Variants in ASTN1 observed in about 807,000 individuals in gnomAD.
The protein encoded by ASTN1 is astrotactin-1.
Under a neutral mutation model 140.7 loss-of-function variants are expected in ASTN1, and 41 were observed. The observed-to-expected ratio is 0.29, with a 90% CI of 0.23 to 0.38. The LOEUF (loss-of-function observed/expected upper bound fraction) is 0.38, where lower values mean the gene tolerates loss of function less well. Ranked by LOEUF, ASTN1 falls within the 10% of genes least tolerant of loss-of-function variation. ASTN1 has a pLI of 1.00. For synonymous variants in ASTN1, 640 were observed against 652.2 expected, an observed-to-expected ratio of 0.98 and a Z score of 0.29; for missense variants, 1,479 against 1,678.8, an observed-to-expected ratio of 0.88 and a Z score of 2.08.
At chr1:177,082,891 C>G (rs1309166818) in intron 1 of ASTN1, among the ~76,000 whole-genome samples, 2 of 151,922 alleles carry the variant, frequency 1.3e-5, no homozygotes, top group African/African-American at 4.8e-5. Flanking sequence ...GTCATTTTAC[C>G]CACTCATTTC....
intron 1 of ASTN1, among the ~76,000 whole-genome samples, chr1:177,130,422 A>G (rs536375891): frequency 1.6e-4 from 25 of 152,180 alleles, no homozygotes; most frequent in Non-Finnish European, 1.9e-4. Flanking sequence ...TGATGACTCT[A>G]TGGTATGAGA....
intron 11 of ASTN1, among the ~76,000 whole-genome samples, chr1:176,955,683 C>T (rs887306226): frequency 2.1e-4 from 32 of 152,226 alleles, no homozygotes; most frequent in African/African-American, 7.7e-4. Flanking sequence ...GTACAAAAAT[C>T]CATCAGCATA....
intron 8 of ASTN1, among the ~76,000 whole-genome samples, chr1:176,988,316 GGA>G (rs1491217385): frequency 7.1e-6 from 1 of 141,188 alleles, no homozygotes; most frequent in African/African-American, 2.7e-5. Flanking sequence ...GGATATATTG[GGA>G]AAAAAAAAAA....
At chr1:177,039,865 G>A (rs1052012977) in intron 2 of ASTN1, among the ~76,000 whole-genome samples, 7 of 152,256 alleles carry the variant, frequency 4.6e-5, no homozygotes, top group Admixed American at 6.5e-5. Flanking sequence ...ACAAACCACA[G>A]ACCAAGGAGA....
intron 8 of ASTN1, among the ~76,000 whole-genome samples, chr1:177,009,668 C>T (rs1675189076): frequency 6.6e-6 from 1 of 152,174 alleles, no homozygotes; most frequent in Non-Finnish European, 1.5e-5. Flanking sequence ...GTGTGTGTGC[C>T]TGTGTGCACC....
At chr1:177,021,041 T>C (rs1033154231) in intron 7 of ASTN1, among the ~76,000 whole-genome samples, 3 of 152,224 alleles carry the variant, frequency 2.0e-5, no homozygotes, top group African/African-American at 7.2e-5. Flanking sequence ...CACACTCAGC[T>C]CTTTGGAGAA....
At chr1:177,019,006 G>C (rs1177096126) in intron 7 of ASTN1, among the ~76,000 whole-genome samples, 1 of 152,186 alleles carries the variant, frequency 6.6e-6, no homozygotes, top group Non-Finnish European at 1.5e-5. Flanking sequence ...CAAAGCATCA[G>C]GGGGCTGGGG....
At chr1:176,870,521 T>C (rs1668295692) in intron 21 of ASTN1, among the ~76,000 whole-genome samples, 1 of 152,226 alleles carries the variant, frequency 6.6e-6, no homozygotes, top group South Asian at 2.1e-4. Flanking sequence ...GCCCTTACTA[T>C]CCTGAGTGGC....
intron 8 of ASTN1, among the ~76,000 whole-genome samples, chr1:176,984,314 T>C (rs1388009196): frequency 6.6e-6 from 1 of 152,148 alleles, no homozygotes; most frequent in Non-Finnish European, 1.5e-5. Flanking sequence ...ATTTCCTCTT[T>C]CTCCAATTTT....
intron 1 of ASTN1, among the ~76,000 whole-genome samples, chr1:177,092,443 C>T (rs1284184318): frequency 6.6e-6 from 1 of 152,166 alleles, no homozygotes; most frequent in African/African-American, 2.4e-5. Flanking sequence ...TTCTCCCATA[C>T]TGTGGGTTGT....
At chr1:177,044,048 T>C (rs1039838302) in intron 2 of ASTN1, among the ~76,000 whole-genome samples, 1 of 152,134 alleles carries the variant, frequency 6.6e-6, no homozygotes, top group African/African-American at 2.4e-5. Flanking sequence ...TAGGACGGGC[T>C]TCGTTAAGCC....
In ASTN1 at chr1:176,929,239, G is replaced by A. The variant is rs1671100603; in HGVS notation, c.2671+4913C>T. ...ATGGCAAAGGAGAGCTTGCAAATGT[G>A]ATTGAATTAAAGTTCTTGAAATGGG... is the stretch of plus-strand genomic sequence containing the variant. On this transcript the variant is annotated intron_variant, in intron 16 of 22. Transcript: ENST00000361833. 3.3e-5 allele frequency among the ~76,000 whole-genome samples: 5 copies of A among 152,166 alleles called. No individual in the cohort carries two copies. In the South Asian group the frequency reaches 1.0e-3, roughly 32 times the overall value.
intron 11 of ASTN1, among the ~76,000 whole-genome samples, chr1:176,950,991 C>T (rs922110034): frequency 1.3e-5 from 2 of 152,146 alleles, no homozygotes; most frequent in African/African-American, 2.4e-5. Context: ...CCTCTCCTTC[C>T]TCCTCTTTCT....
At position 176,862,289 on chromosome 1, in the gene ASTN1, G is replaced by C; in HGVS notation, c.*1995C>G. 1.0e-5 allele frequency: 10 copies of C among 985,452 alleles called. No homozygotes were observed. The highest frequency in any genetic ancestry group is 1.2e-5 in the Non-Finnish European group (10 of 829,954). 61.0% of individuals were successfully genotyped at this position (985,452 alleles called of 1,614,324 possible). On this transcript the variant is annotated 3_prime_UTR_variant, in exon 23 of 23. Coordinates refer to ENST00000361833, the MANE Select transcript of ASTN1 (RefSeq NM_004319.3). The stretch of plus-strand genomic sequence containing the variant: ...CCTTCAGTGTTTGGAAAGAAGGAGA[G>C]AGGAGAGTGAAACCACCCTGTGCTT...
chr1:176,977,088 A>G (rs1673399585), intron 8 of ASTN1, among the ~76,000 whole-genome samples: 1 of 152,240 alleles, frequency 6.6e-6, no homozygotes, highest in African/African-American at 2.4e-5. Flanking sequence ...GATGTACAAT[A>G]GAAAACATAG....
chr1:176,917,246 T>C (rs1670526184), intron 16 of ASTN1, among the ~76,000 whole-genome samples: 1 of 152,208 alleles, frequency 6.6e-6, no homozygotes, highest in South Asian at 2.1e-4. Flanking sequence ...ATAGTTCTTA[T>C]TCATCAATGT....
chr1:176,866,285 G>A (rs1479188115), intron 22 of ASTN1, among the ~76,000 whole-genome samples: 1 of 152,152 alleles, frequency 6.6e-6, no homozygotes, highest in Non-Finnish European at 1.5e-5. Context: ...GAGGTCATGG[G>A]AGGGATAGTC....
rs141009348 is a variant in ASTN1 at position 177,087,829 on chromosome 1, G to A, written c.284-26564C>T. Among the ~76,000 whole-genome samples, 272 of 152,282 alleles carry A rather than the reference G, an allele frequency of 1.8e-3. 1 individual carries two copies. Among genetic ancestry groups the A allele is most frequent in the African/African-American group, 6.2e-3 (256 of 41,560 alleles). On this transcript the variant is annotated intron_variant, in intron 1 of 22. Transcript: ENST00000361833. The stretch of plus-strand genomic sequence containing the variant: ...CATTTTGCCTTGAAAAAGCGTCCCC[G>A]CTGCTGCTGTTAGATGCAGTCTTCA...
At chr1:177,025,316 T>C (rs1037419150) in intron 5 of ASTN1, among the ~76,000 whole-genome samples, 1 of 152,192 alleles carries the variant, frequency 6.6e-6, no homozygotes, top group East Asian at 1.9e-4. Flanking sequence ...CACACCAGGA[T>C]GCTCTCCACA....
Sources: allele counts gnomAD v4.1 joint callset (sites outside exome capture counted in the v4.1 genomes callset), GRCh38; gene constraint gnomAD v4.1.1; transcripts MANE v1.5; gene names NCBI Gene and HGNC (gene_info 2026-07-23, HGNC 2026-07-21).